The following SCN8A variants were observed in gnomAD, a reference collection of about 807,000 sequenced individuals.
The protein encoded by SCN8A is sodium channel protein type 8 subunit alpha.
Under a neutral mutation model 184.1 loss-of-function variants are expected in SCN8A, and 30 were observed. The ratio of observed to expected loss-of-function variants is 0.16; its 90% CI spans 0.12 to 0.22. The LOEUF is 0.22. Among genes scored for constraint, SCN8A ranks in the 10% least tolerant of loss-of-function variants. The pLI is 1.00. For missense variants in SCN8A, 1,057 were observed against 2,498.9 expected (o/e 0.42, Z 12.30); for synonymous variants, 852 against 907.0 (o/e 0.94, Z 1.09).
chr12:51,612,467 A>T (rs1016669421), intron 1 of SCN8A, among the ~76,000 whole-genome samples: 2 of 152,140 alleles, frequency 1.3e-5, no homozygotes, highest in African/African-American at 4.8e-5. Context: ...CCTAGCTGCT[A>T]GTTTTAGTAC....
intron 11 of SCN8A, among the ~76,000 whole-genome samples, chr12:51,714,496 A>C (rs947346317): frequency 1.3e-5 from 2 of 152,230 alleles, no homozygotes; most frequent in East Asian, 3.8e-4. Context: ...CTGTGTGCTT[A>C]TGAGAAGATG....
chr12:51,798,944 C>T (rs1190187125), intron 26 of SCN8A, among the ~76,000 whole-genome samples: 2 of 152,248 alleles, frequency 1.3e-5, no homozygotes, highest in Non-Finnish European at 2.9e-5. Context: ...TTTCTCCTTC[C>T]ATGCAAAGTG....
rs116068326 is a variant in SCN8A, at chr12:51,617,242, G to A, written c.-55+25883G>A. Among the ~76,000 whole-genome samples the A allele has an allele frequency of 9.8e-3, 1,491 of 152,210 alleles. 24 individuals carry two copies. The highest frequency in any genetic ancestry group is 0.034 in the African/African-American group (1,425 of 41,546). On this transcript the variant is annotated intron_variant, in intron 1 of 26. Coordinates refer to ENST00000627620, the MANE Select transcript of SCN8A (RefSeq NM_001330260.2). ...GTTGGGCCTTTGATACAAATGTTAA[G>A]TCTTTTGGTGTTGTCCCATGGGTCA...
rs11836738 is a variant in SCN8A, at chr12:51,734,876, T to C, written c.1999-11027T>C. On this transcript the variant is annotated intron_variant, in intron 12 of 26. Coordinates refer to ENST00000627620, the MANE Select transcript of SCN8A (RefSeq NM_001330260.2). ...AAATCACAGAGCTTCCAAGTGTTTT[T>C]ATCCATTTTAATGGATTACTAGCTG... is the stretch of plus-strand genomic sequence containing the variant. Among the ~76,000 whole-genome samples the C allele has an allele frequency of 5.8e-3, 880 of 152,376 alleles. 9 individuals are homozygous for C. The highest frequency in any genetic ancestry group is 0.02 in the African/African-American group (845 of 41,584).
At chr12:51,690,525 A>T (rs186430491) in intron 6 of SCN8A, among the ~76,000 whole-genome samples, 1,791 of 151,764 alleles carry the variant, frequency 0.012, 18 homozygotes, top group Non-Finnish European at 0.018. Context: ...GCTCATTTTT[A>T]AAAAAAAATT....
chr12:51,706,792 C>T lies in SCN8A; in HGVS notation c.1635+77C>T, dbSNP rs1941793544. On this transcript the variant is annotated intron_variant, in intron 11 of 26. Transcript: ENST00000627620. The stretch of plus-strand genomic sequence containing the variant: ...GTAAAATGTGTATATGTATATTATA[C>T]CATCTTTACCATTTTAAGTGTACCG... 3 of 1,006,116 alleles carry T rather than the reference C, an allele frequency of 3.0e-6. No homozygotes were observed. The South Asian group carries it at 6.8e-5, about 23-fold the overall frequency. 62.3% of individuals were successfully genotyped at this position (1,006,116 alleles called of 1,614,324 possible).
At chr12:51,623,222 A>G (rs1216026457) in intron 1 of SCN8A, among the ~76,000 whole-genome samples, 1 of 152,228 alleles carries the variant, frequency 6.6e-6, no homozygotes, top group Non-Finnish European at 1.5e-5. Flanking sequence ...AGGCCCTCTC[A>G]GTGAATAGAG....
At chr12:51,747,991 T>C (rs1270268190) in intron 13 of SCN8A, among the ~76,000 whole-genome samples, 2 of 152,232 alleles carry the variant, frequency 1.3e-5, no homozygotes, top group Non-Finnish European at 2.9e-5. Context: ...TAGTTATACC[T>C]GTCCTGCCAT....
At chr12:51,696,752 C>T (rs541988861) in intron 6 of SCN8A, among the ~76,000 whole-genome samples, 19 of 152,054 alleles carry the variant, frequency 1.2e-4, no homozygotes, top group African/African-American at 4.3e-4. Flanking sequence ...TAGGTCAGGC[C>T]GGGTGCAGTG....
At chr12:51,594,644 C>T (rs2138544889) in intron 1 of SCN8A, among the ~76,000 whole-genome samples, 1 of 152,138 alleles carries the variant, frequency 6.6e-6, no homozygotes, top group South Asian at 2.1e-4. Context: ...GATCAGTTAC[C>T]ATAATTATAA....
At chr12:51,604,070 T>C (rs1393318493) in intron 1 of SCN8A, among the ~76,000 whole-genome samples, 1 of 152,204 alleles carries the variant, frequency 6.6e-6, no homozygotes, top group Non-Finnish European at 1.5e-5. Context: ...TAAATTTTGA[T>C]TTAGTCCAAT....
chr12:51,735,117 C>G (rs779645623), intron 12 of SCN8A, among the ~76,000 whole-genome samples: 1 of 152,188 alleles, frequency 6.6e-6, no homozygotes, highest in East Asian at 1.9e-4. Context: ...CCACAACGAG[C>G]CCTATCATTT....
At chr12:51,679,478 CTCT>C (rs1941287694) in intron 2 of SCN8A, among the ~76,000 whole-genome samples, 1 of 152,192 alleles carries the variant, frequency 6.6e-6, no homozygotes, top group African/African-American at 2.4e-5. Context: ...AACACAGCCA[CTCT>C]TCTTGGGTTG....
At chr12:51,739,279 T>G (rs78695753) in intron 12 of SCN8A, among the ~76,000 whole-genome samples, 2,754 of 152,224 alleles carry the variant, frequency 0.018, 80 homozygotes, top group African/African-American at 0.06. Flanking sequence ...AACCTCTAAA[T>G]CACCCTCTCG....
At chr12:51,719,738 A>C (rs987937329) in intron 11 of SCN8A, among the ~76,000 whole-genome samples, 3 of 150,318 alleles carry the variant, frequency 2.0e-5, no homozygotes, top group Non-Finnish European at 4.4e-5. Context: ...TATGGAAAGG[A>C]AGCATGAAAT....
intron 12 of SCN8A, among the ~76,000 whole-genome samples, chr12:51,736,288 C>T (rs147769276): frequency 6.6e-5 from 10 of 152,282 alleles, no homozygotes; most frequent in Admixed American, 2.0e-4. Flanking sequence ...ACATTTAACA[C>T]GGGCAGAAGA....
Position 51,599,545 on chromosome 12 carries a change from C to T in SCN8A, c.-55+8186C>T, listed in dbSNP as rs1474242492. Among the ~76,000 whole-genome samples, 5 of 152,156 alleles carry T rather than the reference C, an allele frequency of 3.3e-5. No individual in the cohort carries two copies. The South Asian group carries it at 8.3e-4, about 25-fold the overall frequency. ...GCCTGCAAAGATAGGATAGAGTTAGCCAAATATTAAGGACTTTTTGAAGTT... is the reference window on the plus strand; with the variant it reads ...GCCTGCAAAGATAGGATAGAGTTAGTCAAATATTAAGGACTTTTTGAAGTT... On this transcript the variant is annotated intron_variant, in intron 1 of 26. Transcript: ENST00000627620.
chr12:51,743,770 T>C (rs1010805907), intron 12 of SCN8A, among the ~76,000 whole-genome samples: 3 of 152,096 alleles, frequency 2.0e-5, no homozygotes, highest in Non-Finnish European at 4.4e-5. Flanking sequence ...GGCAGCAAGT[T>C]CCCCCAGGTC....
intron 14 of SCN8A, among the ~76,000 whole-genome samples, chr12:51,755,794 A>G (rs1942664644): frequency 6.6e-6 from 1 of 152,150 alleles, no homozygotes; most frequent in Non-Finnish European, 1.5e-5. Context: ...CAACACTTCA[A>G]GATTCTTTCT....
Sources: gnomAD v4.1 joint callset for allele counts (sites outside exome capture counted in the v4.1 genomes callset) on GRCh38, gnomAD v4.1.1 for gene constraint, MANE v1.5 for transcripts, NCBI Gene and HGNC (gene_info 2026-07-23, HGNC 2026-07-21) for gene names.